Variants in CAMTA1 observed in about 807,000 individuals in gnomAD.
CAMTA1 encodes the protein calmodulin binding transcription activator 1.
A neutral mutation model predicts 170.9 loss-of-function variants in CAMTA1; 27 were observed. The observed-to-expected ratio is 0.16, with a 90% CI of 0.12 to 0.22. CAMTA1 has a LOEUF of 0.22. Ranked by LOEUF, CAMTA1 falls within the 10% of genes least tolerant of loss-of-function variation. CAMTA1 has a pLI of 1.00. For missense variants in CAMTA1, 1,619 were observed against 2,217.2 expected (o/e 0.73, Z 5.42); for synonymous variants, 833 against 891.5 (o/e 0.93, Z 1.17).
intron 5 of CAMTA1, among the ~76,000 whole-genome samples, chr1:7,386,537 CCTT>C (rs980736843): frequency 6.6e-6 from 1 of 152,162 alleles, no homozygotes; most frequent in African/African-American, 2.4e-5. Context: ...ATGTTCTTGG[CCTT>C]CTCTCTCCAA....
chr1:7,189,672 T>G lies in CAMTA1; in HGVS notation c.303-59819T>G, dbSNP rs547328989. On this transcript the variant is annotated intron_variant, in intron 4 of 22. Coordinates refer to ENST00000303635, the MANE Select transcript of CAMTA1 (RefSeq NM_015215.4). Reference sequence around the variant, plus strand: ...GGATGCAGTGAAAACGGAACACATCTGCACTGCTGGTGGGAATGTAAACTA... The same window carrying G: ...GGATGCAGTGAAAACGGAACACATCGGCACTGCTGGTGGGAATGTAAACTA... Among the ~76,000 whole-genome samples, 117 of 152,360 alleles carry G rather than the reference T, an allele frequency of 7.7e-4. 2 individuals are homozygous for G. The South Asian group carries it at 0.024, about 31-fold the overall frequency.
intron 3 of CAMTA1, among the ~76,000 whole-genome samples, chr1:6,993,130 C>A (rs1696657119): frequency 6.6e-6 from 1 of 152,146 alleles, no homozygotes; most frequent in Non-Finnish European, 1.5e-5. Flanking sequence ...ATTATTGGAG[C>A]TTTATAATAA....
At chr1:7,661,547 G>A (rs578171238) in intron 7 of CAMTA1, among the ~76,000 whole-genome samples, 179 bp from the exon 8 acceptor site, 49 of 152,294 alleles carry the variant, frequency 3.2e-4, no homozygotes, top group Non-Finnish European at 4.3e-4. Context: ...GGGGTCTGGC[G>A]GGGGCAGCCT....
rs2094498390 is a variant in CAMTA1, at chr1:7,532,071, CA to C, written c.510+64171del. Among the ~76,000 whole-genome samples, 1 of 152,188 alleles carries C rather than the reference CA, an allele frequency of 6.6e-6. No homozygotes were observed. Among genetic ancestry groups the C allele is most frequent in the Non-Finnish European group, 1.5e-5 (1 of 68,026 alleles). Reference sequence around the variant, plus strand: ...TGGAAGAAAGGCAGAGAGGAAGGGGCAGGGGCGGCGAATGAGTGACAGAAAA... The same window carrying C: ...TGGAAGAAAGGCAGAGAGGAAGGGGCGGGGCGGCGAATGAGTGACAGAAAA... On this transcript the variant is annotated intron_variant, in intron 6 of 22. Transcript: ENST00000303635. This position sits in a 1 kb window ranked among gnomAD's most constrained non-coding sequence, Gnocchi z 4.2.
chr1:7,114,348 C>T (rs1030766107), intron 4 of CAMTA1, among the ~76,000 whole-genome samples: 2 of 151,638 alleles, frequency 1.3e-5, no homozygotes, highest in African/African-American at 4.9e-5. Context: ...TATACATAGA[C>T]CACGGGTGTC....
chr1:7,223,144 GATCCACCC>G (rs1451248508), intron 4 of CAMTA1, among the ~76,000 whole-genome samples: 16 of 120,756 alleles, frequency 1.3e-4, no homozygotes, highest in African/African-American at 5.8e-4. Flanking sequence ...CTTACCTGTT[GATCCACCC>G]ACCCACCCAC....
At chr1:7,396,171 T>C (rs1303612371) in intron 5 of CAMTA1, among the ~76,000 whole-genome samples, 1 of 152,186 alleles carries the variant, frequency 6.6e-6, no homozygotes, top group Non-Finnish European at 1.5e-5. Flanking sequence ...GAATTCGTGT[T>C]CTATTAGTTC....
chr1:7,406,004 C>G (rs1439709143), intron 5 of CAMTA1, among the ~76,000 whole-genome samples: 3 of 152,214 alleles, frequency 2.0e-5, no homozygotes, highest in Admixed American at 6.5e-5. Context: ...GGCCCCGGCA[C>G]TGCAGTGGGA....
chr1:7,134,905 A>T (rs902204846), intron 4 of CAMTA1, among the ~76,000 whole-genome samples: 4 of 152,070 alleles, frequency 2.6e-5, no homozygotes, highest in African/African-American at 9.7e-5. Flanking sequence ...ACTTCAACAG[A>T]TCAACAAGCA....
chr1:7,199,849 C>T (rs1213704812), intron 4 of CAMTA1, among the ~76,000 whole-genome samples: 1 of 152,110 alleles, frequency 6.6e-6, no homozygotes, highest in Non-Finnish European at 1.5e-5. Context: ...GCCTCATACC[C>T]GCCACCAGCT....
rs922665154 is a variant in CAMTA1, at chr1:7,588,320, G to A, written c.511-52080G>A. On this transcript the variant is annotated intron_variant, in intron 6 of 22. Transcript: ENST00000303635. This position sits in a 1 kb window ranked among gnomAD's most constrained non-coding sequence, Gnocchi z 5.8. ...GGACCCCGGGTCTGTCAGGTCTGGT[G>A]AGAGGTGGCTCTGCAGTCTGGAGCC... 1.3e-5 allele frequency among the ~76,000 whole-genome samples: 2 copies of A among 151,062 alleles called. No homozygotes were observed. The highest frequency in any genetic ancestry group is 3.9e-4 in the East Asian group (2 of 5,176).
intron 6 of CAMTA1, among the ~76,000 whole-genome samples, chr1:7,540,374 AGAGAACCCTAACCTG>A (rs2094595814): frequency 6.6e-6 from 1 of 152,062 alleles, no homozygotes; most frequent in Admixed American, 6.6e-5. Flanking sequence ...TTTTACCAGG[AGAGAACCCTAACCTG>A]GAGTCTCTCC....
chr1:7,306,295 G>T (rs1013318649), intron 5 of CAMTA1, among the ~76,000 whole-genome samples: 1 of 151,836 alleles, frequency 6.6e-6, no homozygotes, highest in Non-Finnish European at 1.5e-5. Flanking sequence ...GCTAACTTTT[G>T]TCTAATGTGT....
intron 3 of CAMTA1, among the ~76,000 whole-genome samples, chr1:6,883,358 G>T (rs1013763361): frequency 5.3e-5 from 8 of 152,160 alleles, no homozygotes; most frequent in African/African-American, 1.9e-4. Flanking sequence ...CCAGTTCCAG[G>T]TGGTTCAAGC....
chr1:7,357,220 C>T (rs1285444976), intron 5 of CAMTA1, among the ~76,000 whole-genome samples: 2 of 152,230 alleles, frequency 1.3e-5, no homozygotes, highest in African/African-American at 4.8e-5. Context: ...AGGGATGCCC[C>T]GCCCTCCCAT....
At chr1:7,275,067 A>G (rs1173939111) in intron 5 of CAMTA1, among the ~76,000 whole-genome samples, 6 of 142,696 alleles carry the variant, frequency 4.2e-5, no homozygotes, top group African/African-American at 1.5e-4. Context: ...GCTCGAACCC[A>G]GGAGGCGGAG....
intron 6 of CAMTA1, among the ~76,000 whole-genome samples, chr1:7,486,946 C>T (rs2093626392): frequency 6.6e-6 from 1 of 152,172 alleles, no homozygotes; most frequent in African/African-American, 2.4e-5. Context: ...AGTGGCTTAA[C>T]CTCAGCCTCT....
chr1:6,941,068 G>A (rs564969982), intron 3 of CAMTA1, among the ~76,000 whole-genome samples: 135 of 151,550 alleles, frequency 8.9e-4, no homozygotes, highest in Admixed American at 2.4e-3. Context: ...ATTTTCTGCC[G>A]AGGAGCCCAC....
chr1:7,037,824 C>T (rs1473834997), intron 3 of CAMTA1, among the ~76,000 whole-genome samples: 24 of 146,316 alleles, frequency 1.6e-4, no homozygotes, highest in African/African-American at 4.5e-4. Flanking sequence ...GGCAACAGAG[C>T]GAGACTCCAT....
Sources: allele counts gnomAD v4.1 joint callset (sites outside exome capture counted in the v4.1 genomes callset), GRCh38; gene constraint gnomAD v4.1.1; non-coding constraint Gnocchi (gnomAD v3.1); transcripts MANE v1.5; gene names NCBI Gene and HGNC (gene_info 2026-07-23, HGNC 2026-07-21).